The following PCDHGA7 variants were observed in gnomAD, a reference collection of about 807,000 sequenced individuals.
The protein encoded by PCDHGA7 is protocadherin gamma-A7.
Under a neutral mutation model 58.3 loss-of-function variants are expected in PCDHGA7, and 44 were observed. The ratio of observed to expected loss-of-function variants is 0.75; its 90% CI spans 0.59 to 0.97. The LOEUF (loss-of-function observed/expected upper bound fraction) is 0.97. Ranked by LOEUF, PCDHGA7 falls within the 50% of genes least tolerant of loss-of-function variation. The probability of loss-of-function intolerance (pLI) is 0.00; values close to 1 mark genes in which losing one functional copy is unlikely to be tolerated. For missense variants in PCDHGA7, 1,266 were observed against 1,188.7 expected, an observed-to-expected ratio of 1.06 and a Z score of -0.96; for synonymous variants, 516 against 504.2, an observed-to-expected ratio of 1.02 and a Z score of -0.31.
intron 1 of PCDHGA7, among the ~76,000 whole-genome samples, chr5:141,452,868 C>T (rs1339532803): frequency 6.6e-6 from 1 of 152,170 alleles, no homozygotes; most frequent in Non-Finnish European, 1.5e-5. Flanking sequence ...TTTTCTAACT[C>T]CATTTGTAAT....
At chr5:141,429,726 C>T (rs931967000) in intron 1 of PCDHGA7, among the ~76,000 whole-genome samples, 23 of 152,068 alleles carry the variant, frequency 1.5e-4, no homozygotes, top group Admixed American at 1.3e-4. Flanking sequence ...CATGAAAGTA[C>T]GTAGCCAGTT....
At chr5:141,453,464 C>A (rs186131587) in intron 1 of PCDHGA7, among the ~76,000 whole-genome samples, 16 of 152,090 alleles carry the variant, frequency 1.1e-4, no homozygotes, top group Non-Finnish European at 1.9e-4. Flanking sequence ...AAAACATTAA[C>A]ATAAAGTCAA....
rs185055424 is a variant in PCDHGA7, at chr5:141,457,894, G to A, written c.2425-36913G>A. Among the ~76,000 whole-genome samples the A allele has an allele frequency of 3.2e-3, 488 of 152,332 alleles. 1 individual carries two copies. Among genetic ancestry groups the A allele is most frequent in the Non-Finnish European group, 5.0e-3 (342 of 68,028 alleles). On this transcript the variant is annotated intron_variant, in intron 1 of 3. Transcript: ENST00000518325. ...GTTAGGAACCCTGTGTGGGGACTGT[G>A]TAGACAAGGTGTGAGGCCAGTTCTC...
At chr5:141,484,921 T>A in intron 1 of PCDHGA7, 1 of 478,304 alleles carries the variant, frequency 2.1e-6, no homozygotes, top group South Asian at 2.8e-5. Flanking sequence ...TTAACCCTGC[T>A]GCTGTTGGGA....
In PCDHGA7 at chr5:141,491,786, C is replaced by T; in HGVS notation, c.2425-3021C>T. The stretch of plus-strand genomic sequence containing the variant: ...CCTCATAAGGGATTGAACTTGCATC[C>T]ACTCCTCTCCGGCCGGCTTGGTCGC... On this transcript the variant is annotated intron_variant, in intron 1 of 3. Coordinates refer to ENST00000518325, the MANE Select transcript of PCDHGA7 (RefSeq NM_018920.4). This position sits in a 1 kb window ranked among gnomAD's most constrained non-coding sequence, Gnocchi z 6.9. The T allele has an allele frequency of 1.3e-6, 2 of 1,529,640 alleles. No individual in the cohort carries two copies. The highest frequency in any genetic ancestry group is 2.5e-5 in the South Asian group (2 of 80,832). The allele number at this position is 1,529,640 out of a possible 1,614,324, so 94.8% of individuals were successfully genotyped here.
chr5:141,394,406 G>A (rs1359061127), intron 1 of PCDHGA7: 1 of 1,614,180 alleles, frequency 6.2e-7, no homozygotes, highest in South Asian at 1.1e-5. Flanking sequence ...TGCAGCTACT[G>A]GTAACAGCCA....
At chr5:141,414,567 T>C in intron 1 of PCDHGA7, 1 of 1,613,962 alleles carries the variant, frequency 6.2e-7, no homozygotes, top group Non-Finnish European at 8.5e-7. Context: ...ACTTTACCTA[T>C]ATCCCAGAGA....
At chr5:141,495,356 C>A (rs889897990) in intron 2 of PCDHGA7, among the ~76,000 whole-genome samples, 3 of 152,222 alleles carry the variant, frequency 2.0e-5, no homozygotes, top group Non-Finnish European at 4.4e-5. Flanking sequence ...GGCAGCACAG[C>A]TGGAGGTGGA....
At position 141,384,939 on chromosome 5, in the gene PCDHGA7, C is replaced by T. The variant is rs1780682611; in HGVS notation, c.2040C>T (p.Pro680=). ...TGGCCGACCTGGGCAGCCTTGAGCCCTCCGACGGTCCTTACAACTATGACC... is the reference window on the plus strand; with the variant it reads ...TGGCCGACCTGGGCAGCCTTGAGCCTTCCGACGGTCCTTACAACTATGACC... ...EVLADLGSLE[P]SDGPYNYDLT... Residue 680 remains proline (P), a synonymous_variant, in exon 1 of 4, where the codon CCC becomes CCT. Transcript: ENST00000518325. 1 of 1,614,018 alleles carries T rather than the reference C, an allele frequency of 6.2e-7. No individual in the cohort carries two copies. Among genetic ancestry groups the T allele is most frequent in the Non-Finnish European group, 8.5e-7 (1 of 1,180,010 alleles).
At position 141,391,015 on chromosome 5, in the gene PCDHGA7, CAAAGA is replaced by C. The variant is rs1353502690; in HGVS notation, c.2424+5698_2424+5702del. On this transcript the variant is annotated intron_variant, in intron 1 of 3. Transcript: ENST00000518325. ...TTCAAGCTCATTCTATATCCTTCAT[CAAAGA>C]AAAGACAATGTTTTGTGTCTGTTGT... 3.3e-5 allele frequency: 5 copies of C among 152,166 alleles called. No individual in the cohort carries two copies. The East Asian group carries it at 9.6e-4, about 29-fold the overall frequency. The allele number at this position is 152,166 out of a possible 1,614,324, so 9.4% of individuals were successfully genotyped here. A position where few individuals can be genotyped will look rare whatever the true frequency, so the allele number is the denominator to read the frequency against.
At position 141,494,758 on chromosome 5, in the gene PCDHGA7, T is replaced by C. The variant is rs370692038; in HGVS notation, c.2425-49T>C. ...CCATCCCTAGGGGCTCGGGTGACAT[T>C]CTAACTTCTCACGGGTACTCAGCCC... On this transcript the variant is annotated intron_variant, in intron 1 of 3. Transcript: ENST00000518325. The C allele has an allele frequency of 1.3e-5, 21 of 1,613,682 alleles. No homozygotes were observed. The African/African-American group carries it at 2.7e-4, about 21-fold the overall frequency.
At chr5:141,423,967 A>C (rs760284844) in intron 1 of PCDHGA7, 11 of 1,153,498 alleles carry the variant, frequency 9.5e-6, no homozygotes, top group Non-Finnish European at 1.2e-5. Flanking sequence ...TTTTTCTATT[A>C]TCAGTGTATG....
chr5:141,453,287 A>T (rs900058377), intron 1 of PCDHGA7, among the ~76,000 whole-genome samples: 1 of 151,368 alleles, frequency 6.6e-6, no homozygotes, highest in Non-Finnish European at 1.5e-5. Context: ...CTAATTTTTT[A>T]ATTATTTATT....
chr5:141,410,822 A>T (rs2095425246), intron 1 of PCDHGA7: 1 of 461,414 alleles, frequency 2.2e-6, no homozygotes, highest in Non-Finnish European at 3.6e-6. Flanking sequence ...AAATAATGTC[A>T]CCAGACTGAA....
chr5:141,488,437 C>A (rs1327345486), intron 1 of PCDHGA7, among the ~76,000 whole-genome samples: 2 of 152,210 alleles, frequency 1.3e-5, no homozygotes, highest in Non-Finnish European at 2.9e-5. Context: ...CCTCTGACCA[C>A]CCTCCTGGGT....
chr5:141,387,721 C>A, intron 1 of PCDHGA7: 2 of 1,151,790 alleles, frequency 1.7e-6, no homozygotes, highest in Non-Finnish European at 2.4e-6. Context: ...CTCAGACTCC[C>A]CAGCGCCAGC....
chr5:141,418,323 A>G, intron 1 of PCDHGA7: 2 of 1,614,004 alleles, frequency 1.2e-6, no homozygotes, highest in Non-Finnish European at 1.7e-6. Flanking sequence ...ACAATTCTTG[A>G]GTCTGCAGAA....
chr5:141,485,274 C>T lies in PCDHGA7; in HGVS notation c.2425-9533C>T. On this transcript the variant is annotated intron_variant, in intron 1 of 3. Transcript: ENST00000518325. The surrounding 1 kb of genome is among the most constrained non-coding windows in gnomAD (Gnocchi z 5.7). Reference sequence around the variant, plus strand: ...TACGTTTGTGGGCAGATCCGCTACCCGGTCCCAGAGGAGTCACAGGAAGGG... The same window carrying T: ...TACGTTTGTGGGCAGATCCGCTACCTGGTCCCAGAGGAGTCACAGGAAGGG... The T allele has an allele frequency of 6.2e-7, 1 of 1,614,106 alleles. No individual in the cohort carries two copies. Among genetic ancestry groups the T allele is most frequent in the South Asian group, 1.1e-5 (1 of 91,086 alleles).
chr5:141,435,910 G>T (rs1296707748), intron 1 of PCDHGA7, among the ~76,000 whole-genome samples: 2 of 152,112 alleles, frequency 1.3e-5, no homozygotes, highest in Non-Finnish European at 2.9e-5. Flanking sequence ...ACATCCAAGG[G>T]CTCTAAAATG....
Sources: gnomAD v4.1 joint callset for allele counts (sites outside exome capture counted in the v4.1 genomes callset) on GRCh38, gnomAD v4.1.1 for gene constraint, Gnocchi (gnomAD v3.1) non-coding constraint, MANE v1.5 for transcripts, NCBI Gene and HGNC (gene_info 2026-07-23, HGNC 2026-07-21) for gene names.